The following MYT1 variants were observed in gnomAD, a reference collection of about 807,000 sequenced individuals.
MYT1 encodes myelin transcription factor 1, also known as myelin transcription factor I.
In MYT1, 23 loss-of-function variants were observed where a neutral mutation model predicts 123.0. That is an observed-to-expected ratio of 0.19 (90% CI 0.13 to 0.26). The LOEUF is 0.26. Among genes scored for constraint, MYT1 ranks in the 10% least tolerant of loss-of-function variants. The pLI, the probability that MYT1 is intolerant of heterozygous loss-of-function variation, is 1.00. For synonymous variants in MYT1, 518 were observed against 575.3 expected, an observed-to-expected ratio of 0.90 and a Z score of 1.43; for missense variants, 1,125 against 1,472.5, an observed-to-expected ratio of 0.76 and a Z score of 3.86.
chr20:64,227,281 T>C, intron 16 of MYT1, 134 bp from the exon 17 acceptor site: 1 of 714,530 alleles, frequency 1.4e-6, no homozygotes, highest in Non-Finnish European at 2.3e-6. Context: ...GCGATGCTCC[T>C]CTGCGGACAA....
At chr20:64,222,670 C>T (rs1984044904) in intron 14 of MYT1, among the ~76,000 whole-genome samples, 1 of 152,262 alleles carries the variant, frequency 6.6e-6, no homozygotes, top group African/African-American at 2.4e-5. Context: ...CCAGCTCTCA[C>T]ATGTGCTCAG....
In MYT1 at chr20:64,232,589, G is replaced by A. The variant is rs1021311701; in HGVS notation, c.2897+204G>A. On this transcript the variant is annotated intron_variant, in intron 19 of 22. Transcript: ENST00000328439. The surrounding 1 kb of genome is among the most constrained non-coding windows in gnomAD (Gnocchi z 6.9). ...AGGTGATGCTGTGGGTTATGTCTTCGCCATGCGTCTCCCCTCATACGCCAC... is the reference window on the plus strand; with the variant it reads ...AGGTGATGCTGTGGGTTATGTCTTCACCATGCGTCTCCCCTCATACGCCAC... 2.6e-5 allele frequency among the ~76,000 whole-genome samples: 4 copies of A among 152,120 alleles called. No individual in the cohort carries two copies. Among genetic ancestry groups the A allele is most frequent in the African/African-American group, 9.7e-5 (4 of 41,414 alleles).
At chr20:64,227,757 C>G (rs904689030) in intron 17 of MYT1, 131 bp from the exon 18 acceptor site, 2 of 824,124 alleles carry the variant, frequency 2.4e-6, no homozygotes, top group African/African-American at 3.5e-5. Context: ...TACAACTGAC[C>G]CATCGGTTGC....
intron 1 of MYT1, among the ~76,000 whole-genome samples, chr20:64,176,574 G>A (rs1251710056): frequency 6.6e-6 from 1 of 152,278 alleles, no homozygotes; most frequent in African/African-American, 2.4e-5. Context: ...TGTCCTGGGT[G>A]TGGGGCGAAT....
intron 20 of MYT1, 67 bp from the exon 21 acceptor site, chr20:64,237,220 C>T (rs1984578197): frequency 5.2e-6 from 7 of 1,352,078 alleles, no homozygotes; most frequent in East Asian, 2.4e-5. Flanking sequence ...AGCAGGCTTC[C>T]CCACAGCACT....
intron 16 of MYT1, among the ~76,000 whole-genome samples, chr20:64,227,184 G>T (rs1048262251): frequency 6.6e-6 from 1 of 152,212 alleles, no homozygotes; most frequent in African/African-American, 2.4e-5. Flanking sequence ...GGTCTCCCTC[G>T]GGGAGACGGG....
At chr20:64,206,881 T>C (rs1240258786) in intron 6 of MYT1, among the ~76,000 whole-genome samples, 3 of 152,186 alleles carry the variant, frequency 2.0e-5, no homozygotes, top group African/African-American at 7.2e-5. Flanking sequence ...GGGGCCTGCA[T>C]GTGGTGAGCA....
Position 64,168,038 on chromosome 20 carries a change from G to T in MYT1, c.-99+3299G>T, listed in dbSNP as rs551474800. 6.6e-6 allele frequency among the ~76,000 whole-genome samples: 1 copy of T among 152,294 alleles called. No homozygotes were observed. Among genetic ancestry groups the T allele is most frequent in the Admixed American group, 6.5e-5 (1 of 15,306 alleles). ...GCCCCACTGGGGAGCCCACTGCCCA[G>T]CCCGGAGTGTCTGCTGGAGGCCTGG... On this transcript the variant is annotated intron_variant, in intron 1 of 22. Transcript: ENST00000328439. The surrounding 1 kb of genome is among the most constrained non-coding windows in gnomAD (Gnocchi z 6.1).
intron 7 of MYT1, among the ~76,000 whole-genome samples, chr20:64,209,132 G>A (rs1039024873): frequency 6.6e-6 from 1 of 152,212 alleles, no homozygotes; most frequent in South Asian, 2.1e-4. Flanking sequence ...GAGCAGCTGG[G>A]AAGCAGCTGA....
chr20:64,231,273 T>C lies in MYT1; in HGVS notation c.2676-891T>C, dbSNP rs62219717. ...GATCTTGTCCTGGGTTTGGCGTGGG[T>C]TCCTGGATGACGTGGTCCCTCAGCT... On this transcript the variant is annotated intron_variant, in intron 18 of 22. Coordinates refer to ENST00000328439, the MANE Select transcript of MYT1 (RefSeq NM_004535.3). This position sits in a 1 kb window ranked among gnomAD's most constrained non-coding sequence, Gnocchi z 6.4. Among the ~76,000 whole-genome samples the C allele has an allele frequency of 0.011, 1,609 of 151,954 alleles. 13 individuals are homozygous for C. The highest frequency in any genetic ancestry group is 0.014 in the Non-Finnish European group (926 of 67,968).
At chr20:64,171,840 C>T (rs1299885268) in intron 1 of MYT1, among the ~76,000 whole-genome samples, 1 of 150,260 alleles carries the variant, frequency 6.7e-6, no homozygotes, top group Non-Finnish European at 1.5e-5. Context: ...GGAACCCAAA[C>T]CCTAACCCCC....
intron 1 of MYT1, among the ~76,000 whole-genome samples, chr20:64,171,769 ACCC>A (rs1466037573): frequency 7.4e-6 from 1 of 135,248 alleles, no homozygotes; most frequent in Non-Finnish European, 1.6e-5. Flanking sequence ...CCAAACCCTA[ACCC>A]CTAACCTCTG....
At chr20:64,198,744 C>T (rs1983203651) in intron 2 of MYT1, 118 bp from the exon 3 acceptor site, 2 of 1,111,456 alleles carry the variant, frequency 1.8e-6, no homozygotes, top group African/African-American at 3.1e-5. Flanking sequence ...ATTCTGTGCC[C>T]AAAATCACCT....
intron 21 of MYT1, 133 bp from the exon 22 acceptor site, chr20:64,239,627 G>T: frequency 7.7e-7 from 1 of 1,299,390 alleles, no homozygotes; most frequent in South Asian, 1.4e-5. Context: ...CTACAGGAAG[G>T]CAGGGTCCCT....
chr20:64,205,422 G>T (rs1983460026), intron 5 of MYT1, 131 bp from the exon 6 acceptor site: 4 of 1,401,140 alleles, frequency 2.9e-6, no homozygotes, highest in Non-Finnish European at 3.9e-6. Context: ...TTTTGTCCGG[G>T]TTCCCTGCAA....
chr20:64,238,833 T>A (rs1984630140), intron 21 of MYT1, among the ~76,000 whole-genome samples: 1 of 152,330 alleles, frequency 6.6e-6, no homozygotes, highest in East Asian at 1.9e-4. Context: ...TTTACTAGCA[T>A]CCCTTTGGAA....
rs776724080 is a variant in MYT1, at chr20:64,207,920, G to A, written c.724G>A (p.Asp242Asn). 5 of 1,612,340 alleles carry A rather than the reference G, an allele frequency of 3.1e-6. No individual in the cohort carries two copies. Among genetic ancestry groups the A allele is most frequent in the Non-Finnish European group, 3.4e-6 (4 of 1,179,434 alleles). The change falls in exon 7 of 23, where the codon GAT (aspartate) becomes AAT (asparagine). Residue 242 changes from aspartate to asparagine, a missense_variant. Asp to Asn is a conservative substitution (Grantham distance 23, BLOSUM62 1). Coordinates refer to ENST00000328439, the MANE Select transcript of MYT1 (RefSeq NM_004535.3). The part of the protein sequence containing the change: ...SQDLCPQSLE[D>N]AASEESSKQK... ...GGACCTGTGTCCCCAGTCCCTGGAG[G>A]ATGCAGCCAGTGAGGAGTCCAGCAA...
intron 21 of MYT1, 59 bp downstream of exon 21, chr20:64,237,449 T>C (rs535931218): frequency 1.2e-5 from 16 of 1,351,748 alleles, no homozygotes; most frequent in East Asian, 2.4e-5. Flanking sequence ...AACATTCGTC[T>C]TGGGGACAGT....
intron 16 of MYT1, among the ~76,000 whole-genome samples, chr20:64,224,420 C>G (rs1465107985): frequency 6.6e-6 from 1 of 152,182 alleles, no homozygotes; most frequent in Non-Finnish European, 1.5e-5. Flanking sequence ...TCTCCCAGAG[C>G]CCCCACCAGC....
Sources: allele counts gnomAD v4.1 joint callset (sites outside exome capture counted in the v4.1 genomes callset), GRCh38; gene constraint gnomAD v4.1.1; non-coding constraint Gnocchi (gnomAD v3.1); transcripts MANE v1.5; gene names NCBI Gene and HGNC (gene_info 2026-07-23, HGNC 2026-07-21).